KLF12: variants seen among roughly 807,000 people sequenced by gnomAD.
KLF12 encodes Krueppel-like factor 12.
Under a neutral mutation model 37.8 loss-of-function variants are expected in KLF12, and 9 were observed. The ratio of observed to expected loss-of-function variants is 0.24; its 90% CI spans 0.14 to 0.42. The LOEUF is 0.42. Ranked by LOEUF, KLF12 falls within the 10% of genes least tolerant of loss-of-function variation. The pLI is 1.00. For synonymous variants in KLF12, 208 were observed against 202.1 expected, an observed-to-expected ratio of 1.03 and a Z score of -0.25; for missense variants, 411 against 516.0, an observed-to-expected ratio of 0.80 and a Z score of 1.97.
chr13:73,827,128 T>C (rs1883892474), intron 4 of KLF12, among the ~76,000 whole-genome samples: 1 of 152,210 alleles, frequency 6.6e-6, no homozygotes, highest in African/African-American at 2.4e-5. Context: ...ATTGTATTTT[T>C]GAGATTTATT....
intron 2 of KLF12, among the ~76,000 whole-genome samples, chr13:73,957,706 C>T (rs1290909403): frequency 6.6e-6 from 1 of 152,058 alleles, no homozygotes; most frequent in Non-Finnish European, 1.5e-5. Flanking sequence ...AAATATAAAC[C>T]TGTTTATATT....
chr13:73,778,240 A>C (rs771892084), intron 5 of KLF12, among the ~76,000 whole-genome samples: 1 of 152,230 alleles, frequency 6.6e-6, no homozygotes, highest in Non-Finnish European at 1.5e-5. Flanking sequence ...GGAAAAACTG[A>C]GTGACATAGA....
chr13:74,182,826 T>C, the KLF12 span, among the ~76,000 whole-genome samples: 2 of 152,058 alleles, frequency 1.3e-5, no homozygotes, highest in African/African-American at 2.4e-5. Flanking sequence ...AAATGCTTGG[T>C]TAAATACTTT....
chr13:74,080,542 G>A (rs1207182919), intron 1 of KLF12, among the ~76,000 whole-genome samples: 6 of 150,690 alleles, frequency 4.0e-5, no homozygotes, highest in African/African-American at 7.3e-5. Flanking sequence ...AAAAAGCAAC[G>A]TATATGTTAG....
chr13:74,185,355 G>A, the KLF12 span, among the ~76,000 whole-genome samples: 2 of 152,156 alleles, frequency 1.3e-5, no homozygotes, highest in South Asian at 4.1e-4. Flanking sequence ...AACAGAGGAG[G>A]CTAAGGATGG....
chr13:73,826,687 C>G (rs1435982771), intron 4 of KLF12, among the ~76,000 whole-genome samples: 2 of 151,822 alleles, frequency 1.3e-5, no homozygotes, highest in Admixed American at 6.6e-5. Context: ...TATTTTTGGC[C>G]CTTAACTACA....
At chr13:73,929,284 A>G (rs1255253793) in intron 3 of KLF12, among the ~76,000 whole-genome samples, 4 of 152,202 alleles carry the variant, frequency 2.6e-5, no homozygotes, top group Admixed American at 1.3e-4. Context: ...GGTTGTAGTC[A>G]CTGCTATTAG....
At chr13:73,944,944 A>T (rs573748539) in intron 2 of KLF12, among the ~76,000 whole-genome samples, 2 of 152,312 alleles carry the variant, frequency 1.3e-5, no homozygotes, top group African/African-American at 4.8e-5. Flanking sequence ...TCTCTGTTAC[A>T]TATTGACTCA....
chr13:74,085,996 T>C (rs1040160517), intron 1 of KLF12, among the ~76,000 whole-genome samples: 4 of 151,330 alleles, frequency 2.6e-5, no homozygotes, highest in Non-Finnish European at 4.4e-5. Context: ...TTTTGATATA[T>C]ATTATATATA....
At chr13:74,259,972 A>G in the KLF12 span, 2 of 152,200 alleles carry the variant, frequency 1.3e-5, no homozygotes, top group Non-Finnish European at 2.9e-5. Context: ...GCTGATTAAC[A>G]TTTTAACGAA....
chr13:73,967,516 T>A (rs1891204588), intron 2 of KLF12, among the ~76,000 whole-genome samples: 1 of 152,210 alleles, frequency 6.6e-6, no homozygotes, highest in South Asian at 2.1e-4. Context: ...TGCCATCACC[T>A]TTGTAAGCAA....
Position 74,081,090 on chromosome 13 carries a change from G to C in KLF12, c.-32+52649C>G, listed in dbSNP as rs138277019. ...CAACCAGTACCAACCCTGGTCCAGAGAGTTCTAGAAAACTAGTCAACCAAT... is the reference window on the plus strand; with the variant it reads ...CAACCAGTACCAACCCTGGTCCAGACAGTTCTAGAAAACTAGTCAACCAAT... On this transcript the variant is annotated intron_variant, in intron 1 of 7. Coordinates refer to ENST00000377669, the MANE Select transcript of KLF12 (RefSeq NM_007249.5). Among the ~76,000 whole-genome samples the C allele has an allele frequency of 2.3e-3, 346 of 152,300 alleles. 2 individuals carry two copies. The highest frequency in any genetic ancestry group is 7.9e-3 in the African/African-American group (329 of 41,570).
At chr13:74,217,761 A>G in the KLF12 span, among the ~76,000 whole-genome samples, 4 of 152,214 alleles carry the variant, frequency 2.6e-5, no homozygotes, top group Non-Finnish European at 5.9e-5. Flanking sequence ...AACAAAGCCC[A>G]TGAACATGTT....
chr13:74,276,728 G>A, the KLF12 span, among the ~76,000 whole-genome samples: 1 of 152,128 alleles, frequency 6.6e-6, no homozygotes, highest in Non-Finnish European at 1.5e-5. Flanking sequence ...AACCCAGTTT[G>A]TTTGACTCAG....
At chr13:74,271,822 G>A in the KLF12 span, among the ~76,000 whole-genome samples, 506 of 152,192 alleles carry the variant, frequency 3.3e-3, 3 homozygotes, top group African/African-American at 0.011. Flanking sequence ...AATGTTTGTC[G>A]TCTTCCTCAT....
In KLF12 at chr13:74,068,898, T is replaced by C. The variant is rs375535836; in HGVS notation, c.-32+64841A>G. Among the ~76,000 whole-genome samples, 5 of 152,292 alleles carry C rather than the reference T, an allele frequency of 3.3e-5. No homozygotes were observed. In the South Asian group the frequency reaches 1.0e-3, roughly 32 times the overall value. On this transcript the variant is annotated intron_variant, in intron 1 of 7. Transcript: ENST00000377669. ...TGAAGGTATGTATACATCATCTTTATACTCCTCTATCTTTTAACTAACTTT... is the reference window on the plus strand; with the variant it reads ...TGAAGGTATGTATACATCATCTTTACACTCCTCTATCTTTTAACTAACTTT...
intron 3 of KLF12, among the ~76,000 whole-genome samples, chr13:73,887,162 AAAT>A (rs1887269804): frequency 6.6e-6 from 1 of 152,216 alleles, no homozygotes; most frequent in South Asian, 2.1e-4. Context: ...GCTACTGAAC[AAAT>A]ATAACTGCCT....
the KLF12 span, among the ~76,000 whole-genome samples, chr13:74,184,574 A>C: frequency 7.2e-5 from 11 of 152,228 alleles, no homozygotes; most frequent in Non-Finnish European, 1.5e-4. Context: ...TTTTGATGAG[A>C]ATTTTCTCCA....
At chr13:74,180,520 T>G in the KLF12 span, among the ~76,000 whole-genome samples, 1 of 152,178 alleles carries the variant, frequency 6.6e-6, no homozygotes, top group African/African-American at 2.4e-5. Context: ...AGATTATGTT[T>G]TATAAGGTTC....
Sources: gnomAD v4.1 joint callset for allele counts (sites outside exome capture counted in the v4.1 genomes callset) on GRCh38, gnomAD v4.1.1 for gene constraint, MANE v1.5 for transcripts, NCBI Gene and HGNC (gene_info 2026-07-23, HGNC 2026-07-21) for gene names.